Variants in PTPRD observed in about 807,000 individuals in gnomAD.
The protein encoded by PTPRD is receptor-type tyrosine-protein phosphatase delta.
PTPRD carries 34 observed loss-of-function variants against 214.5 expected under a neutral mutation model. That is an observed-to-expected ratio of 0.16 (90% CI 0.12 to 0.21). The LOEUF (loss-of-function observed/expected upper bound fraction) is 0.21, where lower values mean the gene tolerates loss of function less well. Among genes scored for constraint, PTPRD ranks in the 10% least tolerant of loss-of-function variants. The pLI is 1.00. For synonymous variants in PTPRD, 1,128 were observed against 845.7 expected (o/e 1.33, Z -5.79); for missense variants, 2,545 against 2,398.7 (o/e 1.06, Z -1.27).
chr9:9,418,500 C>T lies in PTPRD; in HGVS notation c.-236-21018G>A, dbSNP rs370497838. Among the ~76,000 whole-genome samples, 12 of 152,112 alleles carry T rather than the reference C, an allele frequency of 7.9e-5. 1 individual carries two copies. Among genetic ancestry groups the T allele is most frequent in the African/African-American group, 2.9e-4 (12 of 41,564 alleles). The stretch of plus-strand genomic sequence containing the variant: ...AACATGGGGACTGGCAGTAGACTGA[C>T]TTATCCAACATTTTCTAGTTATTAG... On this transcript the variant is annotated intron_variant, in intron 8 of 45. Transcript: ENST00000381196.
At chr9:8,642,832 G>A (rs1244174818) in intron 12 of PTPRD, among the ~76,000 whole-genome samples, 1 of 152,194 alleles carries the variant, frequency 6.6e-6, no homozygotes, top group African/African-American at 2.4e-5. Context: ...CATTTTCACT[G>A]GGACAAGGGT....
chr9:9,776,157 T>C (rs1406904694), intron 5 of PTPRD, among the ~76,000 whole-genome samples: 1 of 152,076 alleles, frequency 6.6e-6, no homozygotes, highest in South Asian at 2.1e-4. Context: ...ACTAAACCAC[T>C]TGCTGTCCAC....
intron 2 of PTPRD, among the ~76,000 whole-genome samples, chr9:10,362,725 T>G (rs918508425): frequency 2.0e-5 from 3 of 151,772 alleles, no homozygotes; most frequent in African/African-American, 4.8e-5. Flanking sequence ...ATTAAAAATA[T>G]AAAAATTAGC....
At chr9:8,703,120 C>T (rs1160701216) in intron 12 of PTPRD, among the ~76,000 whole-genome samples, 1 of 152,150 alleles carries the variant, frequency 6.6e-6, no homozygotes, top group East Asian at 1.9e-4. Context: ...TGAAAAAGTA[C>T]TTGGGGATTA....
intron 4 of PTPRD, among the ~76,000 whole-genome samples, chr9:9,992,107 G>C (rs1407437772): frequency 6.6e-6 from 1 of 152,160 alleles, no homozygotes. Flanking sequence ...CGGTAGAATG[G>C]ACGAGACTGC....
intron 5 of PTPRD, among the ~76,000 whole-genome samples, chr9:9,855,765 C>G (rs1346075245): frequency 2.0e-5 from 3 of 152,158 alleles, no homozygotes; most frequent in Non-Finnish European, 4.4e-5. Flanking sequence ...AAACTTTGTG[C>G]GGGCCCCATG....
chr9:8,557,453 T>TACACAC (rs1005805525), intron 14 of PTPRD, among the ~76,000 whole-genome samples: 1 of 134,056 alleles, frequency 7.5e-6, no homozygotes, highest in African/African-American at 3.8e-5. Context: ...TATATATATA[T>TACACAC]ATATTTGGGC....
intron 7 of PTPRD, among the ~76,000 whole-genome samples, chr9:9,660,324 T>C (rs1477101830): frequency 1.3e-5 from 2 of 151,892 alleles, no homozygotes. Context: ...GAATAGACTA[T>C]AGGGAGGTAA....
chr9:9,409,537 C>G (rs1219269616), intron 8 of PTPRD, among the ~76,000 whole-genome samples: 3 of 151,886 alleles, frequency 2.0e-5, no homozygotes, highest in African/African-American at 7.3e-5. Context: ...ATTCAAAAAA[C>G]AAATTAAAGG....
chr9:10,028,287 A>G (rs2096970682), intron 4 of PTPRD, among the ~76,000 whole-genome samples: 1 of 152,050 alleles, frequency 6.6e-6, no homozygotes. Flanking sequence ...TTCTTTTGTA[A>G]ATTGCTCAGT....
chr9:8,349,938 T>G (rs1161200131), intron 39 of PTPRD, among the ~76,000 whole-genome samples: 2 of 151,924 alleles, frequency 1.3e-5, no homozygotes, highest in Admixed American at 1.3e-4. Flanking sequence ...TAGTGGTTTT[T>G]TTTTTTTTTT....
At chr9:10,474,541 G>A (rs1031802471) in intron 2 of PTPRD, among the ~76,000 whole-genome samples, 2 of 151,994 alleles carry the variant, frequency 1.3e-5, no homozygotes, top group Non-Finnish European at 2.9e-5. Flanking sequence ...AATAATAGTA[G>A]GAGACTTTAA....
chr9:9,681,640 T>C (rs981091586), intron 7 of PTPRD, among the ~76,000 whole-genome samples: 1 of 151,760 alleles, frequency 6.6e-6, no homozygotes, highest in Non-Finnish European at 1.5e-5. Flanking sequence ...CCAGATTGCG[T>C]CCCTTCTCCT....
chr9:10,579,424 T>C (rs1040448489), intron 2 of PTPRD, among the ~76,000 whole-genome samples: 1 of 152,168 alleles, frequency 6.6e-6, no homozygotes, highest in Non-Finnish European at 1.5e-5. Context: ...GCTGCACCCA[T>C]GTTGCTGCAA....
chr9:8,813,311 C>G (rs1191337180), intron 11 of PTPRD, among the ~76,000 whole-genome samples: 1 of 152,028 alleles, frequency 6.6e-6, no homozygotes, highest in African/African-American at 2.4e-5. Context: ...TCACCAGCCA[C>G]AAAGGAATAG....
chr9:10,119,370 G>T lies in PTPRD; in HGVS notation c.-544-85580C>A, dbSNP rs1482183509. On this transcript the variant is annotated intron_variant, in intron 3 of 45. Coordinates refer to ENST00000381196, the MANE Select transcript of PTPRD (RefSeq NM_002839.4). ...TAGTGTTTGCCTTCTATGGTACACTGGATTGATCACATCTGTTGAGAATCT... is the reference window on the plus strand; with the variant it reads ...TAGTGTTTGCCTTCTATGGTACACTTGATTGATCACATCTGTTGAGAATCT... 2.6e-5 allele frequency among the ~76,000 whole-genome samples: 4 copies of T among 151,974 alleles called. No homozygotes were observed. In the East Asian group the frequency reaches 7.7e-4, roughly 29 times the overall value.
At chr9:9,362,720 T>C (rs901317023) in intron 9 of PTPRD, among the ~76,000 whole-genome samples, 1 of 151,284 alleles carries the variant, frequency 6.6e-6, no homozygotes, top group African/African-American at 2.4e-5. Flanking sequence ...TTCTTTAAAA[T>C]CTATAATACT....
intron 5 of PTPRD, among the ~76,000 whole-genome samples, chr9:9,871,253 A>C (rs1361478141): frequency 6.6e-6 from 1 of 152,206 alleles, no homozygotes; most frequent in African/African-American, 2.4e-5. Flanking sequence ...GTATGGATAC[A>C]ATTTTAGCTT....
chr9:10,296,565 G>A (rs1235272737), intron 3 of PTPRD, among the ~76,000 whole-genome samples: 2 of 152,054 alleles, frequency 1.3e-5, no homozygotes, highest in African/African-American at 4.8e-5. Flanking sequence ...ATCCTTGGCT[G>A]CAGCACCCGA....
Sources: allele counts gnomAD v4.1 joint callset (sites outside exome capture counted in the v4.1 genomes callset), GRCh38; gene constraint gnomAD v4.1.1; transcripts MANE v1.5; gene names NCBI Gene and HGNC (gene_info 2026-07-23, HGNC 2026-07-21).